Variants in KPNA6 observed in about 807,000 individuals in gnomAD.
KPNA6 encodes karyopherin subunit alpha 6.
A neutral mutation model predicts 72.0 loss-of-function variants in KPNA6; 9 were observed. The observed-to-expected ratio is 0.13, with a 90% CI of 0.08 to 0.22. The LOEUF is 0.22. Ranked by LOEUF, KPNA6 falls within the 10% of genes least tolerant of loss-of-function variation. The pLI, the probability that KPNA6 is intolerant of heterozygous loss-of-function variation, is 1.00. For synonymous variants in KPNA6, 219 were observed against 242.1 expected (o/e 0.90, Z 0.89); for missense variants, 374 against 655.7 (o/e 0.57, Z 4.69).
chr1:32,163,105 A>G, intron 9 of KPNA6, 130 bp from the exon 10 acceptor site: 3 of 643,468 alleles, frequency 4.7e-6, no homozygotes, highest in South Asian at 1.9e-5. Context: ...CTCTGTCTCA[A>G]AAAAAAAAGA....
chr1:32,125,856 T>C (rs1641522250), intron 1 of KPNA6, among the ~76,000 whole-genome samples: 1 of 152,016 alleles, frequency 6.6e-6, no homozygotes, highest in South Asian at 2.1e-4. Flanking sequence ...TCAAATATTA[T>C]GAATGTTTCT....
chr1:32,160,785 C>A, intron 7 of KPNA6, 82 bp downstream of exon 7: 2 of 942,262 alleles, frequency 2.1e-6, no homozygotes, highest in South Asian at 1.3e-5. Flanking sequence ...TACTTGATTC[C>A]TTAAGATGAT....
chr1:32,113,618 A>C (rs925147385), intron 1 of KPNA6, among the ~76,000 whole-genome samples: 1 of 152,084 alleles, frequency 6.6e-6, no homozygotes, highest in African/African-American at 2.4e-5. Flanking sequence ...ATGCCCGGCT[A>C]ATTTTTTAAA....
chr1:32,168,970 G>T (rs1321576333), intron 12 of KPNA6, among the ~76,000 whole-genome samples: 2 of 152,146 alleles, frequency 1.3e-5, no homozygotes, highest in Admixed American at 6.5e-5. Context: ...AGGAGGAGGA[G>T]TGTTTGGTAG....
intron 1 of KPNA6, among the ~76,000 whole-genome samples, chr1:32,134,091 A>AT (rs1570019048): frequency 6.6e-6 from 1 of 151,286 alleles, no homozygotes; most frequent in East Asian, 1.9e-4. Flanking sequence ...AAAAATACAA[A>AT]ATTTTTTTTT....
rs765522753 is a variant in KPNA6, at chr1:32,162,055, G to A, written c.747+9G>A. On this transcript the variant is annotated intron_variant, in intron 8 of 13. Transcript: ENST00000373625. ...CCCCAGAGTTTGCAAAGGTGAGAGAGCTACTTACTAGACCCTGAGTGACAT... is the reference window on the plus strand; with the variant it reads ...CCCCAGAGTTTGCAAAGGTGAGAGAACTACTTACTAGACCCTGAGTGACAT... 5 of 1,606,334 alleles carry A rather than the reference G, an allele frequency of 3.1e-6. No homozygotes were observed. The highest frequency in any genetic ancestry group is 2.7e-5 in the African/African-American group (2 of 74,892).
In KPNA6 at chr1:32,170,943, G is replaced by GA; in HGVS notation, c.*51dup. The GA allele has an allele frequency of 6.4e-7, 1 of 1,556,710 alleles. No individual in the cohort carries two copies. Among genetic ancestry groups the GA allele is most frequent in the Non-Finnish European group, 8.8e-7 (1 of 1,130,250 alleles). ...GGATGGGAAGCACCACCAGCCAGCG[G>GA]AAGAGCAGCCCTCTGGTGGGCGGGA... On this transcript the variant is annotated 3_prime_UTR_variant, in exon 14 of 14. Transcript: ENST00000373625.
At chr1:32,110,247 TAG>T (rs1470774303) in intron 1 of KPNA6, among the ~76,000 whole-genome samples, 6 of 151,848 alleles carry the variant, frequency 4.0e-5, no homozygotes, top group Admixed American at 6.6e-5. Context: ...GTATTTTTAG[TAG>T]AGACAGGGTT....
intron 13 of KPNA6, 34 bp downstream of exon 13, chr1:32,170,094 T>G: frequency 6.3e-7 from 1 of 1,590,262 alleles, no homozygotes; most frequent in Non-Finnish European, 8.6e-7. Context: ...GGTCAGAACC[T>G]GAGACTGTAG....
At chr1:32,147,558 A>G in intron 1 of KPNA6, among the ~76,000 whole-genome samples, 1 of 151,574 alleles carries the variant, frequency 6.6e-6, no homozygotes, top group Non-Finnish European at 1.5e-5. Context: ...TTGTCCTCCC[A>G]AAGTGCTGGG....
chr1:32,136,441 T>A (rs1641737529), intron 1 of KPNA6, among the ~76,000 whole-genome samples: 1 of 152,154 alleles, frequency 6.6e-6, no homozygotes, highest in South Asian at 2.1e-4. Flanking sequence ...CCCAAAGTGC[T>A]GGGATTACAG....
At chr1:32,111,346 C>T (rs996602380) in intron 1 of KPNA6, among the ~76,000 whole-genome samples, 1 of 152,108 alleles carries the variant, frequency 6.6e-6, no homozygotes, top group Non-Finnish European at 1.5e-5. Flanking sequence ...TAAAGTTAGT[C>T]CTATTCTGGT....
In KPNA6 at chr1:32,120,560, T is replaced by A. The variant is rs536173402; in HGVS notation, c.4+12426T>A. Among the ~76,000 whole-genome samples, 22 of 151,750 alleles carry A rather than the reference T, an allele frequency of 1.4e-4. No individual in the cohort carries two copies. In the East Asian group the frequency reaches 1.9e-3, roughly 13 times the overall value. ...ACTGCACCCAGCCAATTAATTTTTT[T>A]AATTAATTAATTAATTATTTTTTTG... On this transcript the variant is annotated intron_variant, in intron 1 of 13. Transcript: ENST00000373625.
At chr1:32,113,946 TG>T (rs1641283241) in intron 1 of KPNA6, among the ~76,000 whole-genome samples, 1 of 152,214 alleles carries the variant, frequency 6.6e-6, no homozygotes, top group African/African-American at 2.4e-5. Flanking sequence ...TGCAGTAACT[TG>T]CTCCATTGAA....
intron 1 of KPNA6, among the ~76,000 whole-genome samples, chr1:32,141,885 G>A (rs1195033283): frequency 2.6e-5 from 4 of 151,968 alleles, no homozygotes; most frequent in African/African-American, 7.3e-5. Flanking sequence ...AGTTTGCGAG[G>A]GCCACCATAA....
chr1:32,176,200 A>G lies in KPNA6; in HGVS notation c.*5306A>G, dbSNP rs1203249092. On this transcript the variant is annotated 3_prime_UTR_variant, in exon 14 of 14. Coordinates refer to ENST00000373625, the MANE Select transcript of KPNA6 (RefSeq NM_012316.5). ...ATTGCCTTTGACCTATTAAAGAAGGAAAGTGGGTAATGGAGTCCCAGCCAC... is the reference window on the plus strand; with the variant it reads ...ATTGCCTTTGACCTATTAAAGAAGGGAAGTGGGTAATGGAGTCCCAGCCAC... 6.6e-6 allele frequency: 1 copy of G among 152,098 alleles called. No individual in the cohort carries two copies. Among genetic ancestry groups the G allele is most frequent in the African/African-American group, 2.4e-5 (1 of 41,402 alleles). 9.4% of individuals were successfully genotyped at this position (152,098 alleles called of 1,614,324 possible).
rs923898262 is a variant in KPNA6 at position 32,173,124 on chromosome 1, T to C, written c.*2230T>C. ...CCAGGAAGGCAGGGGGCAGAATCTT[T>C]TTTTCACTTGGCCTGCTACCTCCAT... On this transcript the variant is annotated 3_prime_UTR_variant, in exon 14 of 14. Transcript: ENST00000373625. 7.6e-6 allele frequency: 3 copies of C among 396,384 alleles called. No homozygotes were observed. Among genetic ancestry groups the C allele is most frequent in the African/African-American group, 6.3e-5 (3 of 47,764 alleles). 24.6% of individuals were successfully genotyped at this position (396,384 alleles called of 1,614,324 possible).
At chr1:32,117,523 C>G (rs1263599163) in intron 1 of KPNA6, among the ~76,000 whole-genome samples, 2 of 151,278 alleles carry the variant, frequency 1.3e-5, no homozygotes, top group Admixed American at 6.6e-5. Context: ...GGTATGCTGG[C>G]TGACGCCTAT....
chr1:32,159,659 G>A (rs1642201575), intron 6 of KPNA6, 128 bp downstream of exon 6: 1 of 1,017,300 alleles, frequency 9.8e-7, no homozygotes, highest in African/African-American at 1.6e-5. Context: ...GGGGTGTCAA[G>A]TACAGATGGC....
Sources: gnomAD v4.1 joint callset for allele counts (sites outside exome capture counted in the v4.1 genomes callset) on GRCh38, gnomAD v4.1.1 for gene constraint, MANE v1.5 for transcripts, NCBI Gene and HGNC (gene_info 2026-07-23, HGNC 2026-07-21) for gene names.